The following DPP10 variants were observed in gnomAD, a reference collection of about 807,000 sequenced individuals.
DPP10 encodes inactive dipeptidyl peptidase 10.
Under a neutral mutation model 120.9 loss-of-function variants are expected in DPP10, and 33 were observed. The ratio of observed to expected loss-of-function variants is 0.27; its 90% CI spans 0.21 to 0.37. The LOEUF is 0.37. Among genes scored for constraint, DPP10 ranks in the 10% least tolerant of loss-of-function variants. The pLI is 1.00. For synonymous variants in DPP10, 337 were observed against 326.1 expected (o/e 1.03, Z -0.36); for missense variants, 816 against 942.8 (o/e 0.87, Z 1.76).
chr2:114,511,149 G>C (rs186598698), intron 1 of DPP10, among the ~76,000 whole-genome samples: 181 of 152,250 alleles, frequency 1.2e-3, no homozygotes, highest in African/African-American at 4.2e-3. Flanking sequence ...AGGTATATAG[G>C]TATAGATAAA....
intron 1 of DPP10, among the ~76,000 whole-genome samples, chr2:114,971,849 T>A (rs1184305071): frequency 6.6e-6 from 1 of 152,228 alleles, no homozygotes; most frequent in East Asian, 1.9e-4. Context: ...TTTTTTATAG[T>A]GAGACATTCA....
intron 1 of DPP10, among the ~76,000 whole-genome samples, chr2:114,830,819 G>A (rs1687034760): frequency 6.6e-6 from 1 of 151,772 alleles, no homozygotes; most frequent in South Asian, 2.1e-4. Context: ...AACTGGAGAG[G>A]CAATTGATTT....
intron 1 of DPP10, among the ~76,000 whole-genome samples, chr2:114,505,935 T>C (rs568463844): frequency 6.6e-6 from 1 of 152,378 alleles, no homozygotes; most frequent in Admixed American, 6.5e-5. Context: ...ATGATTTCTA[T>C]GCCTCATTCT....
intron 1 of DPP10, among the ~76,000 whole-genome samples, chr2:114,670,534 G>T (rs937354293): frequency 6.6e-5 from 10 of 151,800 alleles, no homozygotes; most frequent in Non-Finnish European, 1.2e-4. Context: ...CTGTTGTGGG[G>T]TGGGGGGAGT....
intron 1 of DPP10, among the ~76,000 whole-genome samples, chr2:115,245,258 G>A (rs1264439150): frequency 2.0e-5 from 3 of 151,810 alleles, no homozygotes; most frequent in African/African-American, 7.3e-5. Context: ...TGGGCATTTA[G>A]GCTGGTTCGT....
chr2:115,788,563 T>C (rs770413730), intron 17 of DPP10, among the ~76,000 whole-genome samples: 1 of 152,222 alleles, frequency 6.6e-6, no homozygotes, highest in Non-Finnish European at 1.5e-5. Context: ...ATGATGTTTA[T>C]ACAAATGCTA....
At chr2:115,693,990 C>A (rs575689539) in intron 7 of DPP10, among the ~76,000 whole-genome samples, 36 of 152,154 alleles carry the variant, frequency 2.4e-4, no homozygotes, top group African/African-American at 7.9e-4. Flanking sequence ...AATTTAAACA[C>A]CTTAGGGAAC....
chr2:114,600,272 G>T (rs948076489), intron 1 of DPP10, among the ~76,000 whole-genome samples: 1 of 151,612 alleles, frequency 6.6e-6, no homozygotes, highest in African/African-American at 2.4e-5. Flanking sequence ...GTGTATTGAA[G>T]CTTACTGATT....
chr2:115,843,443 G>A lies in DPP10; in HGVS notation c.*1098G>A, dbSNP rs1244027542. 6.6e-6 allele frequency: 1 copy of A among 152,376 alleles called. No homozygotes were observed. Among genetic ancestry groups the A allele is most frequent in the Non-Finnish European group, 1.5e-5 (1 of 68,014 alleles). The allele number at this position is 152,376 out of a possible 1,614,324, so 9.4% of individuals were successfully genotyped here. On this transcript the variant is annotated 3_prime_UTR_variant, in exon 26 of 26. Coordinates refer to ENST00000410059, the MANE Select transcript of DPP10 (RefSeq NM_020868.6). ...ATCAATTCTCATTTTCATCGTAAAA[G>A]CAAATAGCTGGATTATTTCATTTGC...
chr2:115,650,451 T>A (rs1260080077), intron 5 of DPP10, among the ~76,000 whole-genome samples: 1 of 151,102 alleles, frequency 6.6e-6, no homozygotes. Context: ...GTAAAGATAA[T>A]CATATTTTTA....
At chr2:114,638,612 A>C (rs1364311776) in intron 1 of DPP10, among the ~76,000 whole-genome samples, 1 of 151,884 alleles carries the variant, frequency 6.6e-6, no homozygotes, top group African/African-American at 2.4e-5. Flanking sequence ...TTTTATTAAA[A>C]AGCCAAATAA....
chr2:115,242,251 A>G (rs568758605), intron 1 of DPP10, among the ~76,000 whole-genome samples: 63 of 152,300 alleles, frequency 4.1e-4, no homozygotes, highest in Middle Eastern at 6.8e-3. Flanking sequence ...AGAACATACA[A>G]TGTTTGGTTT....
intron 13 of DPP10, among the ~76,000 whole-genome samples, chr2:115,772,118 T>G (rs1369624002): frequency 2.6e-5 from 4 of 152,122 alleles, no homozygotes; most frequent in Non-Finnish European, 4.4e-5. Flanking sequence ...TTATTGTAAT[T>G]TTATGTAAAC....
At chr2:115,834,948 T>C (rs1689299958) in intron 21 of DPP10, among the ~76,000 whole-genome samples, 1 of 151,874 alleles carries the variant, frequency 6.6e-6, no homozygotes, top group African/African-American at 2.4e-5. Context: ...TTAGCCGGGC[T>C]GGTGGCGGGC....
intron 1 of DPP10, among the ~76,000 whole-genome samples, chr2:114,612,500 C>T (rs1339172342): frequency 2.6e-5 from 4 of 152,128 alleles, no homozygotes; most frequent in African/African-American, 9.7e-5. Context: ...TTCAATGTTT[C>T]TTTGCTTTCT....
At chr2:115,609,959 A>T (rs1490737498) in intron 5 of DPP10, among the ~76,000 whole-genome samples, 2 of 152,238 alleles carry the variant, frequency 1.3e-5, no homozygotes, top group South Asian at 2.1e-4. Flanking sequence ...TCAAGAAATG[A>T]TGTACAACAG....
rs1442658829 is a variant in DPP10, at chr2:115,382,404, G to A, written c.271+38492G>A. On this transcript the variant is annotated intron_variant, in intron 3 of 25. Transcript: ENST00000410059. Reference sequence around the variant, plus strand: ...CACTTCCTGAGTGAGGCAATGCCTCGCCCTGCTTCGGCTCGCGCACAGTGC... The same window carrying A: ...CACTTCCTGAGTGAGGCAATGCCTCACCCTGCTTCGGCTCGCGCACAGTGC... 3.9e-5 allele frequency among the ~76,000 whole-genome samples: 6 copies of A among 152,266 alleles called. No individual in the cohort carries two copies. In the East Asian group the frequency reaches 5.8e-4, roughly 15 times the overall value.
intron 1 of DPP10, among the ~76,000 whole-genome samples, chr2:114,470,845 G>T (rs1378065926): frequency 6.6e-6 from 1 of 152,178 alleles, no homozygotes; most frequent in Admixed American, 6.5e-5. Context: ...ATACTGCCTT[G>T]TTTGCTAATT....
chr2:114,974,361 TA>T (rs1699605895), intron 1 of DPP10, among the ~76,000 whole-genome samples: 2 of 152,030 alleles, frequency 1.3e-5, no homozygotes, highest in African/African-American at 4.8e-5. Context: ...GTTTGTAGCC[TA>T]GGGGCAATAG....
Sources: gnomAD v4.1 joint callset for allele counts (sites outside exome capture counted in the v4.1 genomes callset) on GRCh38, gnomAD v4.1.1 for gene constraint, MANE v1.5 for transcripts, NCBI Gene and HGNC (gene_info 2026-07-23, HGNC 2026-07-21) for gene names.